Variants in PLB1 observed in about 807,000 individuals in gnomAD.
PLB1 encodes the protein phospholipase B1.
PLB1 carries 242 observed loss-of-function variants against 227.4 expected under a neutral mutation model. The observed-to-expected ratio is 1.06, with a 90% CI of 0.96 to 1.18. PLB1 has a LOEUF of 1.18. PLB1 is among the 50% of genes most tolerant of loss of function. The probability of loss-of-function intolerance (pLI) is 0.00; values close to 1 mark genes in which losing one functional copy is unlikely to be tolerated. For synonymous variants in PLB1, 757 were observed against 682.2 expected, an observed-to-expected ratio of 1.11 and a Z score of -1.71; for missense variants, 1,858 against 1,816.3, an observed-to-expected ratio of 1.02 and a Z score of -0.42.
At chr2:28,557,162 C>G (rs1675270702) in intron 17 of PLB1, among the ~76,000 whole-genome samples, 1 of 152,150 alleles carries the variant, frequency 6.6e-6, no homozygotes, top group African/African-American at 2.4e-5. Context: ...TCAAACTCCC[C>G]CAAGACACTT....
intron 17 of PLB1, among the ~76,000 whole-genome samples, chr2:28,560,778 A>G (rs943281407): frequency 6.6e-6 from 1 of 152,260 alleles, no homozygotes; most frequent in African/African-American, 2.4e-5. Flanking sequence ...TCCAGAATAG[A>G]TAAATCTATA....
intron 14 of PLB1, 138 bp downstream of exon 14, chr2:28,543,406 C>T: frequency 1.1e-6 from 1 of 896,226 alleles, no homozygotes; most frequent in Middle Eastern, 3.4e-4. Flanking sequence ...AGGGATGCTT[C>T]TGTCTCCCGG....
At chr2:28,631,153 A>ATCTC (rs1558963427) in intron 54 of PLB1, among the ~76,000 whole-genome samples, 1 of 44,228 alleles carries the variant, frequency 2.3e-5, no homozygotes, top group Non-Finnish European at 4.2e-5. Flanking sequence ...ACCCTATCTC[A>ATCTC]AAAAAAAAAA....
At chr2:28,554,543 CA>C (rs1189883906) in intron 17 of PLB1, among the ~76,000 whole-genome samples, 15 of 123,452 alleles carry the variant, frequency 1.2e-4, no homozygotes, top group Non-Finnish European at 2.4e-4. Flanking sequence ...TATTGTTGCC[CA>C]GGCTGGTCTT....
chr2:28,555,031 T>C (rs1674835562), intron 17 of PLB1, among the ~76,000 whole-genome samples: 1 of 152,008 alleles, frequency 6.6e-6, no homozygotes, highest in Non-Finnish European at 1.5e-5. Context: ...CACTCATAGA[T>C]GAGTGTTGGG....
intron 30 of PLB1, 47 bp downstream of exon 30, chr2:28,591,218 C>A (rs1227710961): frequency 2.5e-6 from 4 of 1,609,846 alleles, no homozygotes; most frequent in Non-Finnish European, 3.4e-6. Flanking sequence ...ATGCAATGGG[C>A]AACCCCTGGG....
intron 14 of PLB1, among the ~76,000 whole-genome samples, chr2:28,544,299 C>T (rs987818082): frequency 6.6e-6 from 1 of 152,242 alleles, no homozygotes; most frequent in African/African-American, 2.4e-5. Flanking sequence ...CACTTTGCTG[C>T]TGATCTCCCA....
intron 1 of PLB1, among the ~76,000 whole-genome samples, chr2:28,501,316 C>T (rs925011331): frequency 6.6e-6 from 1 of 152,084 alleles, no homozygotes; most frequent in African/African-American, 2.4e-5. Context: ...ATGACAACAC[C>T]ACCAACAACA....
At position 28,597,029 on chromosome 2, in the gene PLB1, T is replaced by C. The variant is rs958957661; in HGVS notation, c.2322-976T>C. 1.1e-4 allele frequency among the ~76,000 whole-genome samples: 16 copies of C among 152,250 alleles called. No homozygotes were observed. The East Asian group carries it at 1.7e-3, about 17-fold the overall frequency. ...CTGTAATCCCAGCACTTTGGGAGGC[T>C]GAGGCGGGCGAATCATGAGGTCAGG... On this transcript the variant is annotated intron_variant, in intron 33 of 57. Transcript: ENST00000327757.
At chr2:28,624,838 C>T (rs1264549216) in intron 49 of PLB1, among the ~76,000 whole-genome samples, 2 of 152,142 alleles carry the variant, frequency 1.3e-5, no homozygotes, top group African/African-American at 4.8e-5. Flanking sequence ...CCCGAGTGGC[C>T]GATGAGACTA....
intron 37 of PLB1, 114 bp downstream of exon 37, chr2:28,601,446 C>T (rs1490775406): frequency 5.2e-6 from 4 of 762,572 alleles, no homozygotes; most frequent in African/African-American, 1.8e-5. Flanking sequence ...CCACCTACAC[C>T]TATGTCTGCA....
rs1668727490 is a variant in PLB1, at chr2:28,515,389, C to A, written c.56-1419C>A. ...CACTTCCCTGGCCTCCAGTTACAAA[C>A]ACCTATGCCAGCCTTTTCCAGCACT... On this transcript the variant is annotated intron_variant, in intron 1 of 57. Transcript: ENST00000327757. 2.0e-5 allele frequency among the ~76,000 whole-genome samples: 3 copies of A among 152,326 alleles called. No individual in the cohort carries two copies. The South Asian group carries it at 6.2e-4, about 32-fold the overall frequency.
At chr2:28,591,303 C>A in intron 30 of PLB1, 132 bp downstream of exon 30, 5 of 1,093,588 alleles carry the variant, frequency 4.6e-6, no homozygotes, top group Non-Finnish European at 7.0e-6. Flanking sequence ...ACCCACCTGA[C>A]CTTCAGATGG....
intron 1 of PLB1, among the ~76,000 whole-genome samples, chr2:28,514,693 G>A (rs1477545321): frequency 6.6e-6 from 1 of 152,130 alleles, no homozygotes; most frequent in African/African-American, 2.4e-5. Flanking sequence ...TATAGAAAAA[G>A]TCTGCTGGCC....
intron 45 of PLB1, 85 bp from the exon 46 acceptor site, chr2:28,618,256 G>C (rs1274316123): frequency 8.0e-7 from 1 of 1,246,778 alleles, no homozygotes; most frequent in Non-Finnish European, 1.2e-6. Context: ...CAGTGGGACA[G>C]AGTTATAGAC....
chr2:28,498,330 C>T (rs906953642), intron 1 of PLB1, among the ~76,000 whole-genome samples: 3 of 151,556 alleles, frequency 2.0e-5, no homozygotes, highest in East Asian at 1.9e-4. Flanking sequence ...CTCAAGTAAT[C>T]CTCCCACCTC....
At position 28,551,823 on chromosome 2, in the gene PLB1, A is replaced by C. The variant is rs150719085; in HGVS notation, c.1084-1105A>C. 2.1e-3 allele frequency among the ~76,000 whole-genome samples: 326 copies of C among 152,378 alleles called. 2 individuals are homozygous for C. The highest frequency in any genetic ancestry group is 3.4e-3 in the Non-Finnish European group (228 of 68,034). On this transcript the variant is annotated intron_variant, in intron 16 of 57. Coordinates refer to ENST00000327757, the MANE Select transcript of PLB1 (RefSeq NM_153021.5). Reference sequence around the variant, plus strand: ...TAGAATCTAGCATACCATGAGTTCTATATAAGTATTGCTATCATTATCATT... The same window carrying C: ...TAGAATCTAGCATACCATGAGTTCTCTATAAGTATTGCTATCATTATCATT...
chr2:28,596,846 C>T (rs1683001734), intron 33 of PLB1, among the ~76,000 whole-genome samples: 1 of 152,216 alleles, frequency 6.6e-6, no homozygotes, highest in Non-Finnish European at 1.5e-5. Context: ...AGTCCTTGAC[C>T]ACTCTGGCAT....
At chr2:28,624,465 T>C (rs1687459044) in intron 49 of PLB1, among the ~76,000 whole-genome samples, 1 of 152,182 alleles carries the variant, frequency 6.6e-6, no homozygotes, top group Non-Finnish European at 1.5e-5. Flanking sequence ...GGTATTGTTT[T>C]ATTTATGGCA....
Sources: allele counts gnomAD v4.1 joint callset (sites outside exome capture counted in the v4.1 genomes callset), GRCh38; gene constraint gnomAD v4.1.1; transcripts MANE v1.5; gene names NCBI Gene and HGNC (gene_info 2026-07-23, HGNC 2026-07-21).